The following OTUD7A variants were observed in gnomAD, a reference collection of about 807,000 sequenced individuals.
OTUD7A encodes OTU domain-containing protein 7A.
In OTUD7A, 12 loss-of-function variants were observed where a neutral mutation model predicts 65.7. That is an observed-to-expected ratio of 0.18 (90% confidence interval 0.12 to 0.30). The LOEUF is 0.30. Ranked by LOEUF, OTUD7A falls within the 10% of genes least tolerant of loss-of-function variation. The pLI is 1.00. For missense variants in OTUD7A, 1,148 were observed against 1,304.8 expected, an observed-to-expected ratio of 0.88 and a Z score of 1.85; for synonymous variants, 641 against 586.3, an observed-to-expected ratio of 1.09 and a Z score of -1.35.
intron 1 of OTUD7A, among the ~76,000 whole-genome samples, chr15:31,664,868 C>T (rs1892276589): frequency 6.6e-6 from 1 of 152,152 alleles, no homozygotes; most frequent in South Asian, 2.1e-4. Context: ...TTCCATTCTC[C>T]TACATGTGGC....
intron 1 of OTUD7A, among the ~76,000 whole-genome samples, chr15:31,674,159 A>T (rs1240385258): frequency 1.3e-5 from 2 of 152,090 alleles, no homozygotes; most frequent in Non-Finnish European, 2.9e-5. Flanking sequence ...GGTAAGATAA[A>T]TTTTTTAGGA....
intron 1 of OTUD7A, among the ~76,000 whole-genome samples, chr15:31,695,116 A>G (rs549513819): frequency 3.2e-4 from 49 of 152,246 alleles, no homozygotes; most frequent in Non-Finnish European, 5.7e-4. Flanking sequence ...AAGTGCTGGG[A>G]TTACAGGCGT....
At chr15:31,492,130 T>C (rs1018259062) in intron 10 of OTUD7A, among the ~76,000 whole-genome samples, 3 of 152,192 alleles carry the variant, frequency 2.0e-5, no homozygotes, top group African/African-American at 7.2e-5. Flanking sequence ...CAGATAACTG[T>C]CTAAAGCAAA....
intron 1 of OTUD7A, among the ~76,000 whole-genome samples, chr15:31,835,201 G>C (rs772871101): frequency 6.6e-6 from 1 of 152,188 alleles, no homozygotes; most frequent in Admixed American, 6.5e-5. Flanking sequence ...AAAAAATATG[G>C]AGAAAAGCTA....
chr15:31,484,119 C>T lies in OTUD7A; in HGVS notation c.1977G>A (p.Glu659=), dbSNP rs2041192430. The change falls in exon 13 of 13, where the codon GAG becomes GAA. Residue 659 remains glutamate (E), a synonymous_variant. Coordinates refer to ENST00000307050, the MANE Select transcript of OTUD7A (RefSeq NM_001382637.1). The surrounding 1 kb of genome is among the most constrained non-coding windows in gnomAD (Gnocchi z 4.5). The part of the protein sequence containing the change: ...LTSHRHQFHE[E]MIGYYLTSAQ... ...CGCTCGTCAGGTAGTAGCCGATCAT[C>T]TCCTCGTGGAACTGGTGCCGGTGGC... 2.5e-6 allele frequency: 4 copies of T among 1,607,556 alleles called. No homozygotes were observed. The highest frequency in any genetic ancestry group is 3.4e-6 in the Non-Finnish European group (4 of 1,179,466).
intron 3 of OTUD7A, among the ~76,000 whole-genome samples, chr15:31,603,628 A>C (rs1890148060): frequency 6.6e-6 from 1 of 152,260 alleles, no homozygotes; most frequent in Non-Finnish European, 1.5e-5. Flanking sequence ...TCTGCACAGC[A>C]AAAGAAACTA....
chr15:31,826,147 C>G (rs1896792147), intron 1 of OTUD7A, among the ~76,000 whole-genome samples: 1 of 152,230 alleles, frequency 6.6e-6, no homozygotes, highest in African/African-American at 2.4e-5. Context: ...CCAGTAAGGA[C>G]TCTGTGTGGG....
At chr15:31,671,579 T>C (rs1892485309) in intron 1 of OTUD7A, among the ~76,000 whole-genome samples, 1 of 152,244 alleles carries the variant, frequency 6.6e-6, no homozygotes, top group Admixed American at 6.5e-5. Flanking sequence ...ATACTATTTT[T>C]TTCATAAAAT....
intron 3 of OTUD7A, among the ~76,000 whole-genome samples, chr15:31,604,137 A>G (rs1482937115): frequency 6.6e-6 from 1 of 152,240 alleles, no homozygotes; most frequent in Non-Finnish European, 1.5e-5. Flanking sequence ...ATAAAGACAC[A>G]TGGACACATA....
chr15:31,845,404 C>CGTGT (rs1191357229), intron 1 of OTUD7A, among the ~76,000 whole-genome samples: 2 of 152,228 alleles, frequency 1.3e-5, no homozygotes, highest in Non-Finnish European at 2.9e-5. Flanking sequence ...GGTGCACACT[C>CGTGT]GTGCACATCA....
At chr15:31,766,645 A>G in intron 1 of OTUD7A, 2 of 1,603,168 alleles carry the variant, frequency 1.2e-6, no homozygotes, top group Non-Finnish European at 8.5e-7. Flanking sequence ...TGTTAAAAGC[A>G]AACTCTGAGA....
At chr15:31,697,657 G>A (rs1451947027) in intron 1 of OTUD7A, among the ~76,000 whole-genome samples, 5 of 152,172 alleles carry the variant, frequency 3.3e-5, no homozygotes, top group Non-Finnish European at 5.9e-5. Context: ...CCAGGCATGC[G>A]CCATATTCTC....
chr15:31,506,897 T>A (rs2041579594), intron 8 of OTUD7A, among the ~76,000 whole-genome samples: 1 of 152,164 alleles, frequency 6.6e-6, no homozygotes, highest in Non-Finnish European at 1.5e-5. Context: ...TACTATATAG[T>A]TTATATTTGG....
intron 8 of OTUD7A, among the ~76,000 whole-genome samples, chr15:31,520,338 C>G (rs1415160378): frequency 1.3e-5 from 2 of 151,752 alleles, no homozygotes; most frequent in Non-Finnish European, 2.9e-5. Context: ...AAGCCACATA[C>G]TTATAACCAA....
At chr15:31,546,874 C>T (rs1405258977) in intron 5 of OTUD7A, among the ~76,000 whole-genome samples, 1 of 152,214 alleles carries the variant, frequency 6.6e-6, no homozygotes, top group African/African-American at 2.4e-5. Context: ...GAACTTAACC[C>T]ATTCATGATT....
intron 12 of OTUD7A, among the ~76,000 whole-genome samples, chr15:31,486,926 G>A (rs562821565): frequency 1.3e-5 from 2 of 152,322 alleles, no homozygotes; most frequent in Non-Finnish European, 2.9e-5. Context: ...ATGCTTGCAT[G>A]CACACATGCC....
At position 31,484,808 on chromosome 15, in the gene OTUD7A, TG is replaced by T; in HGVS notation, c.1372-85del. 1 of 1,509,292 alleles carries T rather than the reference TG, an allele frequency of 6.6e-7. No individual in the cohort carries two copies. The highest frequency in any genetic ancestry group is 2.0e-5 in the Admixed American group (1 of 49,914). 93.5% of individuals were successfully genotyped at this position (1,509,292 alleles called of 1,614,324 possible). A position where few individuals can be genotyped will look rare whatever the true frequency, so the allele number is the denominator to read the frequency against. ...GCGAGGAAGACACACCTTGCCCCTG[TG>T]TTGCCGAGGCTAGGGCCCTGGACCT... On this transcript the variant is annotated intron_variant, in intron 12 of 12. Coordinates refer to ENST00000307050, the MANE Select transcript of OTUD7A (RefSeq NM_001382637.1). The surrounding 1 kb of genome is among the most constrained non-coding windows in gnomAD (Gnocchi z 4.5).
intron 1 of OTUD7A, among the ~76,000 whole-genome samples, chr15:31,823,735 G>T (rs1352071953): frequency 6.6e-6 from 1 of 152,174 alleles, no homozygotes; most frequent in Non-Finnish European, 1.5e-5. Context: ...ACTCAGAAGA[G>T]AAATTCATGT....
chr15:31,842,799 A>C (rs1170060202), intron 1 of OTUD7A, among the ~76,000 whole-genome samples: 3 of 152,178 alleles, frequency 2.0e-5, no homozygotes, highest in Admixed American at 2.0e-4. Context: ...GACTTAAGCC[A>C]TAGTAGAACA....
Sources: gnomAD v4.1 joint callset for allele counts (sites outside exome capture counted in the v4.1 genomes callset) on GRCh38, gnomAD v4.1.1 for gene constraint, Gnocchi (gnomAD v3.1) non-coding constraint, MANE v1.5 for transcripts, NCBI Gene and HGNC (gene_info 2026-07-23, HGNC 2026-07-21) for gene names.